Variants in BCKDHB observed in about 807,000 individuals in gnomAD.
The protein encoded by BCKDHB is branched chain keto acid dehydrogenase E1 subunit beta, also known as 2-oxoisovalerate dehydrogenase subunit beta, mitochondrial.
In BCKDHB, 41 loss-of-function variants were observed where a neutral mutation model predicts 48.5. The observed-to-expected ratio is 0.85, with a 90% CI of 0.66 to 1.10. The LOEUF is 1.10. Among genes scored for constraint, BCKDHB ranks in the 50% least tolerant of loss-of-function variants. BCKDHB has a pLI of 0.00. For missense variants in BCKDHB, 496 were observed against 494.2 expected, an observed-to-expected ratio of 1.00 and a Z score of -0.03; for synonymous variants, 201 against 174.8, an observed-to-expected ratio of 1.15 and a Z score of -1.18.
the BCKDHB span, among the ~76,000 whole-genome samples, chr6:80,384,719 T>G: frequency 5.9e-5 from 9 of 152,274 alleles, no homozygotes; most frequent in African/African-American, 2.2e-4. Flanking sequence ...AGACAGCCTA[T>G]TGTGGGACCT....
rs372065197 is a variant in BCKDHB, at chr6:80,185,388, C to T, written c.742+13998C>T. Among the ~76,000 whole-genome samples, 10 of 151,984 alleles carry T rather than the reference C, an allele frequency of 6.6e-5. No individual in the cohort carries two copies. In the East Asian group the frequency reaches 1.5e-3, roughly 24 times the overall value. On this transcript the variant is annotated intron_variant, in intron 6 of 9. Transcript: ENST00000320393. The stretch of plus-strand genomic sequence containing the variant: ...CCTTTTCTGGTACCTCCTTGAGTAC[C>T]TTAATAATCAACCTTCTGAATTCCT...
chr6:80,238,008 T>C (rs1776215034), intron 8 of BCKDHB, among the ~76,000 whole-genome samples: 1 of 152,210 alleles, frequency 6.6e-6, no homozygotes, highest in South Asian at 2.1e-4. Context: ...AAAGTTCTGT[T>C]TTGGGTGGCA....
At chr6:80,139,756 CT>C (rs1197517459) in intron 3 of BCKDHB, among the ~76,000 whole-genome samples, 1 of 151,978 alleles carries the variant, frequency 6.6e-6, no homozygotes, top group Non-Finnish European at 1.5e-5. Flanking sequence ...CAGCTTTGTT[CT>C]TTTGGCTTAG....
At chr6:80,395,523 G>T in the BCKDHB span, among the ~76,000 whole-genome samples, 2 of 152,176 alleles carry the variant, frequency 1.3e-5, no homozygotes, top group Non-Finnish European at 2.9e-5. Context: ...ATGATTTAGG[G>T]TGTCTGGTGG....
At chr6:80,381,478 C>A in the BCKDHB span, among the ~76,000 whole-genome samples, 1 of 152,050 alleles carries the variant, frequency 6.6e-6, no homozygotes, top group Non-Finnish European at 1.5e-5. Flanking sequence ...AACAGTGACA[C>A]AGTTTTTGTT....
At chr6:80,212,392 T>C (rs1774978602) in intron 8 of BCKDHB, among the ~76,000 whole-genome samples, 1 of 152,148 alleles carries the variant, frequency 6.6e-6, no homozygotes. Context: ...ATATCTCTCC[T>C]ACTTGCATGT....
chr6:80,297,430 GT>G (rs1416918579), intron 9 of BCKDHB, among the ~76,000 whole-genome samples: 1 of 152,040 alleles, frequency 6.6e-6, no homozygotes, highest in East Asian at 1.9e-4. Flanking sequence ...ACTAATCAAA[GT>G]TTTTTCATAT....
intron 8 of BCKDHB, among the ~76,000 whole-genome samples, chr6:80,266,044 G>T (rs565862374): frequency 1.2e-4 from 19 of 152,184 alleles, no homozygotes; most frequent in Admixed American, 2.0e-4. Flanking sequence ...GCCAGGAAGG[G>T]TCTTCTAAGG....
chr6:80,388,556 G>T, the BCKDHB span, among the ~76,000 whole-genome samples: 1 of 152,194 alleles, frequency 6.6e-6, no homozygotes, highest in Admixed American at 6.6e-5. Flanking sequence ...GGTATGCACA[G>T]CAGGATTTCA....
chr6:80,204,645 A>C (rs1172355293), intron 8 of BCKDHB, among the ~76,000 whole-genome samples: 1 of 152,014 alleles, frequency 6.6e-6, no homozygotes, highest in Non-Finnish European at 1.5e-5. Flanking sequence ...AAGCACTTTT[A>C]GAACTTTATT....
At chr6:80,411,757 G>C in the BCKDHB span, among the ~76,000 whole-genome samples, 1 of 152,244 alleles carries the variant, frequency 6.6e-6, no homozygotes, top group Non-Finnish European at 1.5e-5. Context: ...CTGTGGGCGT[G>C]TGACCCACTA....
intron 8 of BCKDHB, among the ~76,000 whole-genome samples, chr6:80,254,146 A>G (rs937218300): frequency 2.0e-5 from 3 of 151,790 alleles, no homozygotes; most frequent in African/African-American, 7.2e-5. Context: ...CCAAAAGGTG[A>G]AAATTTCCCC....
At chr6:80,380,002 A>G in the BCKDHB span, among the ~76,000 whole-genome samples, 1 of 152,060 alleles carries the variant, frequency 6.6e-6, no homozygotes, top group Non-Finnish European at 1.5e-5. Flanking sequence ...TTAAAATGGC[A>G]ATATTGCCCA....
At chr6:80,254,662 T>C (rs1776974806) in intron 8 of BCKDHB, among the ~76,000 whole-genome samples, 1 of 152,122 alleles carries the variant, frequency 6.6e-6, no homozygotes, top group Non-Finnish European at 1.5e-5. Context: ...TTCACACCAC[T>C]GCACTCCAGG....
At chr6:80,376,891 GTTAT>G in the BCKDHB span, among the ~76,000 whole-genome samples, 11 of 152,148 alleles carry the variant, frequency 7.2e-5, no homozygotes, top group African/African-American at 2.2e-4. Context: ...TTTTAATTGC[GTTAT>G]TTGTCTTTTC....
intron 9 of BCKDHB, among the ~76,000 whole-genome samples, chr6:80,276,197 A>G (rs1458855886): frequency 6.6e-6 from 1 of 152,028 alleles, no homozygotes; most frequent in Non-Finnish European, 1.5e-5. Context: ...GATTTTTGAT[A>G]GAAGATATCT....
At chr6:80,127,339 T>A in intron 1 of BCKDHB, 1 of 543,172 alleles carries the variant, frequency 1.8e-6, no homozygotes, top group Non-Finnish European at 3.3e-6. Context: ...AAAAATTGTT[T>A]AATATGGGTA....
the BCKDHB span, among the ~76,000 whole-genome samples, chr6:80,402,863 C>G: frequency 1.3e-5 from 2 of 151,734 alleles, no homozygotes; most frequent in Non-Finnish European, 3.0e-5. Flanking sequence ...AAGAGATTAT[C>G]CTTGCTCCAT....
chr6:80,246,639 A>T (rs1776627512), intron 8 of BCKDHB, among the ~76,000 whole-genome samples: 1 of 152,168 alleles, frequency 6.6e-6, no homozygotes, highest in Admixed American at 6.5e-5. Context: ...AACCTGGCAG[A>T]CTTCTTCACC....
Sources: gnomAD v4.1 joint callset for allele counts (sites outside exome capture counted in the v4.1 genomes callset) on GRCh38, gnomAD v4.1.1 for gene constraint, MANE v1.5 for transcripts, NCBI Gene and HGNC (gene_info 2026-07-23, HGNC 2026-07-21) for gene names.